Variants in WDFY4 observed in about 807,000 individuals in gnomAD.
WDFY4 encodes the protein WD repeat- and FYVE domain-containing protein 4.
In WDFY4, 169 loss-of-function variants were observed where a neutral mutation model predicts 351.9. The ratio of observed to expected loss-of-function variants is 0.48; its 90% CI spans 0.42 to 0.55. The LOEUF (loss-of-function observed/expected upper bound fraction) is 0.55. Ranked by LOEUF, WDFY4 falls within the 20% of genes least tolerant of loss-of-function variation. WDFY4 has a pLI of 0.00. For missense variants in WDFY4, 3,803 were observed against 3,935.6 expected (o/e 0.97, Z 0.90); for synonymous variants, 1,622 against 1,574.6 (o/e 1.03, Z -0.71).
intron 35 of WDFY4, 142 bp from the exon 36 acceptor site, chr10:48,826,529 A>G: frequency 1.6e-6 from 1 of 632,736 alleles, no homozygotes; most frequent in Non-Finnish European, 2.8e-6. Context: ...TTTAATGGGA[A>G]TAGCATTGAA....
chr10:48,702,430 T>C (rs554126189), intron 1 of WDFY4, among the ~76,000 whole-genome samples: 1 of 152,272 alleles, frequency 6.6e-6, no homozygotes, highest in East Asian at 1.9e-4. Flanking sequence ...TCTTATTTTC[T>C]CTCCTTAACA....
chr10:48,864,477 G>T (rs2069468274), intron 39 of WDFY4, among the ~76,000 whole-genome samples: 1 of 152,088 alleles, frequency 6.6e-6, no homozygotes, highest in Non-Finnish European at 1.5e-5. Context: ...TGCCTTGTTT[G>T]CCATTGCTTT....
At chr10:48,978,482 TCCTCCCA>T in intron 60 of WDFY4, 89 bp downstream of exon 60, 1 of 1,260,464 alleles carries the variant, frequency 7.9e-7, no homozygotes, top group Non-Finnish European at 1.1e-6. Flanking sequence ...GGGCTGCAGC[TCCTCCCA>T]GGTCTGCCCA....
chr10:48,743,389 T>C lies in WDFY4; in HGVS notation c.2300T>C (p.Leu767Pro). 1 of 1,551,640 alleles carries C rather than the reference T, an allele frequency of 6.4e-7. No individual in the cohort carries two copies. The highest frequency in any genetic ancestry group is 8.7e-7 in the Non-Finnish European group (1 of 1,146,998). ...CGGATACAGAGCTGCCTCCAGATCCTTGGCTTTCTGGACAGCATGGCCAGC... is the reference window on the plus strand; with the variant it reads ...CGGATACAGAGCTGCCTCCAGATCCCTGGCTTTCTGGACAGCATGGCCAGC... Reference protein sequence around the residue: ...PPRIQSCLQILGFLDSMASGT... With the variant: ...PPRIQSCLQIPGFLDSMASGT... The change falls in exon 12 of 62, where the codon CTT becomes CCT. Residue 767 changes from leucine (L) to proline (P), a missense_variant. Physicochemically the swap from Leu to Pro is moderately conservative, Grantham distance 98. This residue lies in a region of WDFY4 where 3,054 missense variants were observed against 3,148.6 expected (regional missense o/e 0.97). Transcript: ENST00000325239.
chr10:48,955,752 A>G (rs1455411108), intron 51 of WDFY4, among the ~76,000 whole-genome samples: 2 of 151,882 alleles, frequency 1.3e-5, no homozygotes, highest in Non-Finnish European at 2.9e-5. Context: ...GCCCTTTTTT[A>G]CCTCCACCCA....
At chr10:48,940,646 A>T (rs961105134) in intron 47 of WDFY4, among the ~76,000 whole-genome samples, 4 of 152,100 alleles carry the variant, frequency 2.6e-5, no homozygotes, top group Non-Finnish European at 4.4e-5. Context: ...ATGGATGGAG[A>T]GAACGGATAT....
intron 45 of WDFY4, 97 bp downstream of exon 45, chr10:48,897,671 C>G: frequency 6.7e-7 from 1 of 1,482,216 alleles, no homozygotes; most frequent in Non-Finnish European, 9.0e-7. Context: ...CTCTGTGACT[C>G]TTCTTTGTGC....
intron 21 of WDFY4, among the ~76,000 whole-genome samples, chr10:48,788,983 A>T (rs2066588449): frequency 6.6e-6 from 1 of 152,204 alleles, no homozygotes; most frequent in Non-Finnish European, 1.5e-5. Flanking sequence ...AGTCCTGGGT[A>T]TTAATGACCC....
intron 14 of WDFY4, 27 bp from the exon 15 acceptor site, chr10:48,775,685 T>A (rs758618679): frequency 2.3e-5 from 35 of 1,543,434 alleles, no homozygotes; most frequent in Non-Finnish European, 3.1e-5. Flanking sequence ...AATGTCTTCA[T>A]TTTTTCCTCT....
chr10:48,979,881 G>A (rs1842740047), intron 60 of WDFY4: 2 of 152,214 alleles, frequency 1.3e-5, no homozygotes, highest in South Asian at 4.1e-4. Context: ...GACACTTCCT[G>A]TGCATCCTAA....
intron 47 of WDFY4, among the ~76,000 whole-genome samples, chr10:48,905,748 C>A (rs899024861): frequency 2.6e-5 from 4 of 152,250 alleles, no homozygotes; most frequent in Non-Finnish European, 2.9e-5. Flanking sequence ...GCAGTGAGGG[C>A]ATGTGGCAAG....
Position 48,957,118 on chromosome 10 carries a change from AT to A in WDFY4, c.7978-8del. 1 of 1,545,562 alleles carries A rather than the reference AT, an allele frequency of 6.5e-7. No individual in the cohort carries two copies. The highest frequency in any genetic ancestry group is 2.5e-5 in the East Asian group (1 of 40,756). ...GAGAGCGGCTGGTCATGTTGGCTCC[AT>A]TTCCCCCAGGGCGGAAGCTTCGACG... On this transcript the variant is annotated splice_polypyrimidine_tract_variant and intron_variant, in intron 51 of 61. Transcript: ENST00000325239.
At chr10:48,964,248 G>C (rs1177213970) in intron 54 of WDFY4, among the ~76,000 whole-genome samples, 194 bp downstream of exon 54, 1 of 152,202 alleles carries the variant, frequency 6.6e-6, no homozygotes, top group African/African-American at 2.4e-5. Flanking sequence ...CATCATTAGT[G>C]AAACTAGTGA....
intron 4 of WDFY4, among the ~76,000 whole-genome samples, chr10:48,723,104 G>A (rs10508906): frequency 0.76 from 115,468 of 151,798 alleles, 44,203 homozygotes; most frequent in East Asian, 0.87. Context: ...AAGCCCTTAT[G>A]TTCTAATTTC....
chr10:48,954,556 T>G (rs1841494269), intron 51 of WDFY4, among the ~76,000 whole-genome samples: 1 of 152,242 alleles, frequency 6.6e-6, no homozygotes, highest in Non-Finnish European at 1.5e-5. Flanking sequence ...TCTCTCTGCC[T>G]CTTACCTTCT....
intron 28 of WDFY4, among the ~76,000 whole-genome samples, chr10:48,808,887 C>A (rs1304023776): frequency 6.6e-6 from 1 of 152,176 alleles, no homozygotes; most frequent in Non-Finnish European, 1.5e-5. Context: ...GCTACTTAAG[C>A]CCTGTATGCC....
At position 48,813,653 on chromosome 10, in the gene WDFY4, A is replaced by G. The variant is rs375732185; in HGVS notation, c.5215-304A>G. ...AACCTTTGAATTCTTTATATGTCTT[A>G]TATAATCTAATTTACAAAAGTTAAT... On this transcript the variant is annotated intron_variant, in intron 30 of 61. Coordinates refer to ENST00000325239, the MANE Select transcript of WDFY4 (RefSeq NM_001394531.1). 1.2e-4 allele frequency among the ~76,000 whole-genome samples: 18 copies of G among 152,324 alleles called. 1 individual carries two copies. The East Asian group carries it at 1.3e-3, about 11-fold the overall frequency.
intron 52 of WDFY4, among the ~76,000 whole-genome samples, chr10:48,959,240 C>T (rs1029139823): frequency 6.6e-6 from 1 of 152,136 alleles, no homozygotes; most frequent in Non-Finnish European, 1.5e-5. Context: ...GCCTTAAAAA[C>T]GGAGAGAAAA....
chr10:48,760,985 G>A (rs1054634649), intron 13 of WDFY4, among the ~76,000 whole-genome samples: 7 of 152,196 alleles, frequency 4.6e-5, no homozygotes, highest in Non-Finnish European at 1.0e-4. Flanking sequence ...GAATTGTGAC[G>A]AGTGATATTA....
Sources: gnomAD v4.1 joint callset for allele counts (sites outside exome capture counted in the v4.1 genomes callset) on GRCh38, gnomAD v4.1.1 for gene constraint, gnomAD v4.1.1 regional missense constraint, MANE v1.5 for transcripts, NCBI Gene and HGNC (gene_info 2026-07-23, HGNC 2026-07-21) for gene names.